Variants in FAP observed in about 807,000 individuals in gnomAD.
The protein encoded by FAP is prolyl endopeptidase FAP.
FAP carries 110 observed loss-of-function variants against 126.5 expected under a neutral mutation model. The observed-to-expected ratio is 0.87, with a 90% CI of 0.74 to 1.02. The LOEUF (loss-of-function observed/expected upper bound fraction) is 1.02. Among genes scored for constraint, FAP ranks in the 50% least tolerant of loss-of-function variants. The pLI, the probability that FAP is intolerant of heterozygous loss-of-function variation, is 0.00. For synonymous variants in FAP, 334 were observed against 297.3 expected (o/e 1.12, Z -1.27); for missense variants, 919 against 909.2 (o/e 1.01, Z -0.14).
chr2:162,206,289 TCA>T (rs905593842), intron 12 of FAP, among the ~76,000 whole-genome samples: 1 of 152,244 alleles, frequency 6.6e-6, no homozygotes, highest in African/African-American at 2.4e-5. Flanking sequence ...CAAGTTGTCC[TCA>T]GTTTTAATGA....
intron 21 of FAP, among the ~76,000 whole-genome samples, chr2:162,177,375 T>C (rs1230181205): frequency 6.6e-6 from 1 of 152,162 alleles, no homozygotes; most frequent in Admixed American, 6.6e-5. Flanking sequence ...CAATGGCCTT[T>C]ATGGTCTCAC....
intron 20 of FAP, among the ~76,000 whole-genome samples, chr2:162,186,761 T>C (rs1212469243): frequency 6.6e-6 from 1 of 152,082 alleles, no homozygotes; most frequent in African/African-American, 2.4e-5. Flanking sequence ...TGCAAATAGA[T>C]GTGAGCCATG....
chr2:162,171,701 A>G (rs1576126388), intron 25 of FAP: 1 of 152,116 alleles, frequency 6.6e-6, no homozygotes, highest in African/African-American at 2.4e-5. Flanking sequence ...GTAATAATAT[A>G]TATTTACTAA....
At chr2:162,215,300 T>A (rs2106268970) in intron 10 of FAP, among the ~76,000 whole-genome samples, 1 of 152,318 alleles carries the variant, frequency 6.6e-6, no homozygotes, top group Non-Finnish European at 1.5e-5. Flanking sequence ...CCTGGGCACC[T>A]CTTCCCCTTA....
chr2:162,171,461 C>G (rs1687300583), intron 25 of FAP: 1 of 169,804 alleles, frequency 5.9e-6, no homozygotes, highest in Admixed American at 5.5e-5. Context: ...CCCTAAGATT[C>G]CTTGTAGCTC....
At chr2:162,239,142 G>C (rs1292554924) in intron 2 of FAP, among the ~76,000 whole-genome samples, 1 of 151,870 alleles carries the variant, frequency 6.6e-6, no homozygotes, top group Non-Finnish European at 1.5e-5. Flanking sequence ...ACACTTTTCT[G>C]ATATTCAGCC....
chr2:162,207,248 A>G (rs907455270), intron 12 of FAP, among the ~76,000 whole-genome samples: 4 of 152,236 alleles, frequency 2.6e-5, no homozygotes, highest in Non-Finnish European at 5.9e-5. Context: ...CAGAACTTAC[A>G]AAAGCTAATT....
chr2:162,174,814 G>C, intron 22 of FAP, 53 bp downstream of exon 22: 8 of 1,242,812 alleles, frequency 6.4e-6, no homozygotes, highest in South Asian at 6.1e-5. Context: ...ATCAGATATA[G>C]AGTAATTACG....
chr2:162,189,031 A>T, intron 19 of FAP, 72 bp downstream of exon 19: 1 of 975,732 alleles, frequency 1.0e-6, no homozygotes, highest in Non-Finnish European at 1.6e-6. Flanking sequence ...GGTTCATTCT[A>T]TTTCATAAAT....
intron 12 of FAP, among the ~76,000 whole-genome samples, chr2:162,207,463 C>G (rs1420504989): frequency 6.6e-6 from 1 of 152,142 alleles, no homozygotes; most frequent in Admixed American, 6.5e-5. Flanking sequence ...TGATCTGGCA[C>G]AAAATCACAT....
intron 3 of FAP, 67 bp from the exon 4 acceptor site, chr2:162,225,644 G>T (rs1446630569): frequency 1.4e-6 from 2 of 1,453,922 alleles, no homozygotes; most frequent in Non-Finnish European, 1.8e-6. Flanking sequence ...CCTAACAAAA[G>T]AAACCTCTCT....
intron 21 of FAP, among the ~76,000 whole-genome samples, chr2:162,179,786 CTATCTATATATA>C (rs1687622297): frequency 3.1e-5 from 2 of 63,560 alleles, no homozygotes; most frequent in African/African-American, 4.8e-5. Context: ...ATCTATCTAT[CTATCTATATATA>C]TATATATATA....
At chr2:162,237,006 G>A (rs993284891) in intron 2 of FAP, among the ~76,000 whole-genome samples, 1 of 151,898 alleles carries the variant, frequency 6.6e-6, no homozygotes, top group Non-Finnish European at 1.5e-5. Context: ...TTTTAATTTT[G>A]ATACTAAATA....
rs77137293 is a variant in FAP, at chr2:162,208,254, T to TA, written c.1047+1697dup. Among the ~76,000 whole-genome samples the TA allele has an allele frequency of 4.3e-3, 586 of 137,626 alleles. 3 individuals carry two copies. Among genetic ancestry groups the TA allele is most frequent in the South Asian group, 0.011 (45 of 4,224 alleles). 90.3% of individuals were successfully genotyped at this position (137,626 alleles called of 152,430 possible). A position where few individuals can be genotyped will look rare whatever the true frequency, so the allele number is the denominator to read the frequency against. ...CTGGCAACAGAGTGAGATTCCGTCT[T>TA]AAAAAAAAAAAAAAGGTCTAAAGCT... On this transcript the variant is annotated intron_variant, in intron 12 of 25. Coordinates refer to ENST00000188790, the MANE Select transcript of FAP (RefSeq NM_004460.5).
chr2:162,184,332 A>G (rs943877549), intron 20 of FAP, among the ~76,000 whole-genome samples: 2 of 152,192 alleles, frequency 1.3e-5, no homozygotes, highest in African/African-American at 4.8e-5. Context: ...AGACCAAAGG[A>G]GACACACAGT....
At chr2:162,204,000 A>G (rs1688600651) in intron 12 of FAP, among the ~76,000 whole-genome samples, 1 of 152,178 alleles carries the variant, frequency 6.6e-6, no homozygotes, top group South Asian at 2.1e-4. Flanking sequence ...GTTTGGTGAA[A>G]TGATGGCAAA....
Position 162,195,896 on chromosome 2 carries a change from T to C in FAP, c.1403-1148A>G, listed in dbSNP as rs138177643. Among the ~76,000 whole-genome samples, 720 of 152,224 alleles carry C rather than the reference T, an allele frequency of 4.7e-3. 8 individuals carry two copies. Among genetic ancestry groups the C allele is most frequent in the African/African-American group, 0.016 (654 of 41,538 alleles). On this transcript the variant is annotated intron_variant, in intron 16 of 25. Transcript: ENST00000188790. Reference sequence around the variant, plus strand: ...GATAGGGTGAGGATGCTACCTTCTATGTGGAGGGAACCCATTAAAGTAGCA... The same window carrying C: ...GATAGGGTGAGGATGCTACCTTCTACGTGGAGGGAACCCATTAAAGTAGCA...
intron 6 of FAP, chr2:162,221,760 T>A (rs957648324): frequency 2.2e-6 from 1 of 456,466 alleles, no homozygotes. Context: ...GGGAGGATGC[T>A]TTACAAAGGC....
Position 162,189,176 on chromosome 2 carries a change from T to C in FAP, c.1550-4A>G. On this transcript the variant is annotated splice_region_variant and splice_polypyrimidine_tract_variant and intron_variant, in intron 18 of 25. Transcript: ENST00000188790. ...AGAATCATCTTGTACCATAAAGCTT[T>C]GAGGAAAAAAAAAGGAGAAAAATCT... 6.3e-7 allele frequency: 1 copy of C among 1,581,736 alleles called. No homozygotes were observed. Among genetic ancestry groups the C allele is most frequent in the Middle Eastern group, 1.7e-4 (1 of 5,930 alleles).
Sources: allele counts gnomAD v4.1 joint callset (sites outside exome capture counted in the v4.1 genomes callset), GRCh38; gene constraint gnomAD v4.1.1; transcripts MANE v1.5; gene names NCBI Gene and HGNC (gene_info 2026-07-23, HGNC 2026-07-21).